AMPH: variants seen among roughly 807,000 people sequenced by gnomAD.
The protein encoded by AMPH is amphiphysin (Stiff-Mann syndrome with breast cancer 128kD autoantigen).
A neutral mutation model predicts 99.1 loss-of-function variants in AMPH; 49 were observed. The observed-to-expected ratio is 0.49, with a 90% confidence interval of 0.39 to 0.63. AMPH has a LOEUF of 0.63. AMPH is among the 20% of genes least tolerant of loss of function. The pLI is 0.00. For synonymous variants in AMPH, 314 were observed against 317.3 expected, an observed-to-expected ratio of 0.99 and a Z score of 0.11; for missense variants, 759 against 863.4, an observed-to-expected ratio of 0.88 and a Z score of 1.52.
intron 1 of AMPH, among the ~76,000 whole-genome samples, chr7:38,580,174 T>G (rs1486308499): frequency 6.6e-6 from 1 of 152,180 alleles, no homozygotes; most frequent in East Asian, 1.9e-4. Flanking sequence ...TTTTTATGCC[T>G]TTCTCTTCCT....
chr7:38,490,463 T>C (rs993401266), intron 5 of AMPH, among the ~76,000 whole-genome samples: 1 of 152,154 alleles, frequency 6.6e-6, no homozygotes, highest in Non-Finnish European at 1.5e-5. Flanking sequence ...TTTACCTCTG[T>C]AATAGATTCA....
At chr7:38,524,664 G>A (rs1790094919) in intron 2 of AMPH, among the ~76,000 whole-genome samples, 1 of 151,974 alleles carries the variant, frequency 6.6e-6, no homozygotes, top group Non-Finnish European at 1.5e-5. Flanking sequence ...ACAGTAATTG[G>A]GAAGTCTAGG....
At chr7:38,604,252 AAC>A (rs1793353568) in intron 1 of AMPH, among the ~76,000 whole-genome samples, 2 of 152,266 alleles carry the variant, frequency 1.3e-5, no homozygotes. Context: ...AATGCATAGC[AAC>A]AGATCTAGAA....
intron 2 of AMPH, among the ~76,000 whole-genome samples, chr7:38,525,441 T>TGTGC (rs1431051396): frequency 7.9e-6 from 1 of 126,576 alleles, no homozygotes; most frequent in Non-Finnish European, 1.6e-5. Context: ...TGTACTCATT[T>TGTGC]GTGCGTGTGT....
Position 38,422,433 on chromosome 7 carries a change from C to A in AMPH, c.1260G>T (p.Met420Ile), listed in dbSNP as rs1348770405. The A allele has an allele frequency of 6.2e-7, 1 of 1,613,310 alleles. No individual in the cohort carries two copies. The highest frequency in any genetic ancestry group is 2.2e-5 in the East Asian group (1 of 44,842). The change falls in exon 16 of 21, where the codon ATG becomes ATT. Residue 420 changes from methionine to isoleucine, a missense_variant. Met to Ile is a conservative substitution (Grantham distance 10, BLOSUM62 1). This residue lies in a region of AMPH where 554 missense variants were observed against 575.6 expected (regional missense o/e 0.96). Coordinates refer to ENST00000356264, the MANE Select transcript of AMPH (RefSeq NM_001635.4). ...SLFTMQTDQS[M>I]ICNLAESEQA... ...CAAATCAACTTACCAAGTTGCAGAT[C>A]ATACTCTGGTCTGTCTGCATTGTGA...
chr7:38,571,454 A>G (rs544813545), intron 1 of AMPH, among the ~76,000 whole-genome samples: 1 of 128,182 alleles, frequency 7.8e-6, no homozygotes, highest in African/African-American at 3.0e-5. Flanking sequence ...ATATTTATAT[A>G]GAATATATGG....
rs924713535 is a variant in AMPH at position 38,534,725 on chromosome 7, C to A, written c.150+206G>T. ...CTAAAGCAGTCCAGGACAGCAGAGT[C>A]TTTATCTCCTGGGATTCCAAAACCT... On this transcript the variant is annotated intron_variant, in intron 2 of 20. Transcript: ENST00000356264. Among the ~76,000 whole-genome samples, 4 of 152,276 alleles carry A rather than the reference C, an allele frequency of 2.6e-5. No homozygotes were observed. In the East Asian group the frequency reaches 5.8e-4, roughly 22 times the overall value.
At chr7:38,385,672 A>G (rs1440812659) in intron 20 of AMPH, among the ~76,000 whole-genome samples, 1 of 152,024 alleles carries the variant, frequency 6.6e-6, no homozygotes, top group Non-Finnish European at 1.5e-5. Context: ...TGTCTGTCAT[A>G]TAGAAGTGCC....
chr7:38,627,677 A>T (rs1794307114), intron 1 of AMPH, among the ~76,000 whole-genome samples: 1 of 150,932 alleles, frequency 6.6e-6, no homozygotes, highest in Non-Finnish European at 1.5e-5. Flanking sequence ...AAAAAAGCTA[A>T]AGGAAAGATA....
rs1272402161 is a variant in AMPH at position 38,476,965 on chromosome 7, C to A, written c.401G>T (p.Arg134Leu). ...TAGCTTCCTGCTGCGCTTGGCGATG[C>A]GATTCTGTCAACAGGAAATGCACTC... The part of the protein sequence containing the change: ...YLGQFPDIKN[R>L]IAKRSRKLVD... Residue 134 changes from arginine to leucine, a missense_variant, in exon 6 of 21, where the codon CGC (arginine) becomes CTC (leucine). Arg to Leu is a moderately radical substitution (Grantham distance 102). Transcript: ENST00000356264. The A allele has an allele frequency of 4.3e-6, 7 of 1,613,254 alleles. No individual in the cohort carries two copies. Among genetic ancestry groups the A allele is most frequent in the East Asian group, 2.2e-5 (1 of 44,798 alleles).
chr7:38,521,779 T>C (rs1789974218), intron 2 of AMPH, among the ~76,000 whole-genome samples: 1 of 152,216 alleles, frequency 6.6e-6, no homozygotes. Flanking sequence ...TCTTCCTCTG[T>C]ATACTTCAGT....
chr7:38,548,900 A>G lies in AMPH; in HGVS notation c.70-13889T>C, dbSNP rs568202725. ...TTGAGTTGTCTACGTGGCCAGTGCC[A>G]TGTTGTCTGCTTTTTCACTGTGGTA... is the stretch of plus-strand genomic sequence containing the variant. On this transcript the variant is annotated intron_variant, in intron 1 of 20. Coordinates refer to ENST00000356264, the MANE Select transcript of AMPH (RefSeq NM_001635.4). Among the ~76,000 whole-genome samples, 4 of 152,054 alleles carry G rather than the reference A, an allele frequency of 2.6e-5. No individual in the cohort carries two copies. In the South Asian group the frequency reaches 8.3e-4, roughly 32 times the overall value.
chr7:38,395,041 T>A (rs1409240622), intron 17 of AMPH, among the ~76,000 whole-genome samples: 5 of 152,196 alleles, frequency 3.3e-5, no homozygotes, highest in African/African-American at 1.2e-4. Context: ...AGACGTGCCT[T>A]GGTCACTTTT....
At chr7:38,585,683 G>C (rs74809885) in intron 1 of AMPH, among the ~76,000 whole-genome samples, 2 of 152,146 alleles carry the variant, frequency 1.3e-5, no homozygotes, top group Non-Finnish European at 2.9e-5. Context: ...ATAGCCTCAC[G>C]GTCCACCGTG....
chr7:38,546,941 C>T (rs1252091177), intron 1 of AMPH, among the ~76,000 whole-genome samples: 1 of 152,164 alleles, frequency 6.6e-6, no homozygotes, highest in Non-Finnish European at 1.5e-5. Flanking sequence ...CCGCATCCTG[C>T]CCAGACCCTC....
chr7:38,589,849 G>A (rs1792791642), intron 1 of AMPH, among the ~76,000 whole-genome samples: 1 of 152,150 alleles, frequency 6.6e-6, no homozygotes, highest in Non-Finnish European at 1.5e-5. Flanking sequence ...GCAAATGTTG[G>A]ACCTCCTCAT....
intron 1 of AMPH, among the ~76,000 whole-genome samples, chr7:38,624,378 A>AG (rs1301979968): frequency 7.0e-4 from 107 of 151,930 alleles, no homozygotes; most frequent in Middle Eastern, 6.8e-3. Context: ...CCTTATTATT[A>AG]TTATTAGTAT....
At chr7:38,568,831 G>A (rs890573829) in intron 1 of AMPH, among the ~76,000 whole-genome samples, 2 of 152,152 alleles carry the variant, frequency 1.3e-5, no homozygotes, top group Admixed American at 6.6e-5. Flanking sequence ...GGAAGGGAAT[G>A]GAATTAATGA....
intron 1 of AMPH, among the ~76,000 whole-genome samples, chr7:38,629,348 G>A (rs574138031): frequency 1.1e-4 from 17 of 152,042 alleles, no homozygotes; most frequent in Non-Finnish European, 1.6e-4. Flanking sequence ...TACTAGGTGC[G>A]GCAGGCACTT....
Sources: allele counts gnomAD v4.1 joint callset (sites outside exome capture counted in the v4.1 genomes callset), GRCh38; gene constraint gnomAD v4.1.1; regional missense constraint gnomAD v4.1.1; transcripts MANE v1.5; gene names NCBI Gene and HGNC (gene_info 2026-07-23, HGNC 2026-07-21).